Variants in DSCAM observed in about 807,000 individuals in gnomAD.
The protein encoded by DSCAM is DS cell adhesion molecule.
Under a neutral mutation model 217.7 loss-of-function variants are expected in DSCAM, and 47 were observed. That is an observed-to-expected ratio of 0.22 (90% CI 0.17 to 0.28). DSCAM has a LOEUF of 0.28. Ranked by LOEUF, DSCAM falls within the 10% of genes least tolerant of loss-of-function variation. The pLI, the probability that DSCAM is intolerant of heterozygous loss-of-function variation, is 1.00. For missense variants in DSCAM, 2,080 were observed against 2,618.3 expected (o/e 0.79, Z 4.49); for synonymous variants, 1,056 against 1,015.3 (o/e 1.04, Z -0.76).
chr21:40,092,250 A>G (rs937302931), intron 21 of DSCAM, among the ~76,000 whole-genome samples: 1 of 152,128 alleles, frequency 6.6e-6, no homozygotes. Context: ...GTTGTAAATC[A>G]TAAGGTGGAA....
rs1168356966 is a variant in DSCAM, at chr21:40,276,110, G to A, written c.2343C>T (p.Tyr781=). The change falls in exon 11 of 33, where the codon TAC becomes TAT. Residue 781 remains tyrosine (Y), a synonymous_variant. Transcript: ENST00000400454. ...CTTCTCTCTTACTTTTAACCGTGAGGTACATGGACTTGCTGACGTCTGCGC... is the reference window on the plus strand; with the variant it reads ...CTTCTCTCTTACTTTTAACCGTGAGATACATGGACTTGCTGACGTCTGCGC... ...DVGADVSKSM[Y]LTVKIPAMIT... is the part of the protein sequence containing the mutation. The A allele has an allele frequency of 6.3e-7, 1 of 1,596,116 alleles. No individual in the cohort carries two copies. Among genetic ancestry groups the A allele is most frequent in the Non-Finnish European group, 8.5e-7 (1 of 1,172,720 alleles).
intron 4 of DSCAM, among the ~76,000 whole-genome samples, chr21:40,364,514 A>C (rs1601588821): frequency 1.8e-5 from 2 of 108,820 alleles, no homozygotes; most frequent in Admixed American, 1.4e-4. Context: ...AACATCACAC[A>C]CCGGGGCCTG....
chr21:40,507,693 G>C (rs2076220811), intron 3 of DSCAM, among the ~76,000 whole-genome samples: 1 of 152,152 alleles, frequency 6.6e-6, no homozygotes, highest in Non-Finnish European at 1.5e-5. Context: ...GGGAGGCTGA[G>C]GCAGGAGGAT....
intron 3 of DSCAM, among the ~76,000 whole-genome samples, chr21:40,389,333 A>T (rs2075113842): frequency 6.6e-6 from 1 of 152,198 alleles, no homozygotes; most frequent in Non-Finnish European, 1.5e-5. Context: ...TATTTTATGA[A>T]GAGAAATAAC....
chr21:40,439,315 C>T (rs1569123951), intron 3 of DSCAM, among the ~76,000 whole-genome samples: 1 of 152,150 alleles, frequency 6.6e-6, no homozygotes, highest in Non-Finnish European at 1.5e-5. Flanking sequence ...TAAAAGATCC[C>T]TGTGCAAAAA....
chr21:40,220,225 G>C (rs890505953), intron 11 of DSCAM, among the ~76,000 whole-genome samples: 12 of 152,214 alleles, frequency 7.9e-5, no homozygotes, highest in African/African-American at 2.9e-4. Context: ...ACTTGAGGGA[G>C]AGTCATTGTC....
intron 20 of DSCAM, among the ~76,000 whole-genome samples, chr21:40,117,422 G>C (rs1379568332): frequency 6.6e-6 from 1 of 152,158 alleles, no homozygotes; most frequent in Non-Finnish European, 1.5e-5. Flanking sequence ...AGGACAAAGA[G>C]CTCAGCCCGC....
intron 1 of DSCAM, 107 bp downstream of exon 1, chr21:40,846,512 G>A (rs887363802): frequency 1.0e-5 from 4 of 397,776 alleles, no homozygotes; most frequent in South Asian, 1.1e-4. Context: ...CAGATGAAGC[G>A]GAAAAAGAAA....
intron 20 of DSCAM, among the ~76,000 whole-genome samples, chr21:40,103,110 G>T (rs867660604): frequency 1.6e-4 from 24 of 152,242 alleles, no homozygotes; most frequent in Middle Eastern, 3.4e-3. Flanking sequence ...AAATAATGAG[G>T]ATAAAATGAC....
At chr21:40,513,344 C>T (rs1301069999) in intron 3 of DSCAM, 2 of 152,220 alleles carry the variant, frequency 1.3e-5, no homozygotes, top group Non-Finnish European at 2.9e-5. Context: ...AATCTAAGAA[C>T]ACAACTATGC....
At chr21:40,427,821 C>T (rs184150996) in intron 3 of DSCAM, among the ~76,000 whole-genome samples, 2 of 152,200 alleles carry the variant, frequency 1.3e-5, no homozygotes, top group Non-Finnish European at 2.9e-5. Flanking sequence ...TTCCTGTGAG[C>T]TTTGATTGAA....
chr21:40,548,327 C>T (rs574644613), intron 3 of DSCAM, among the ~76,000 whole-genome samples: 17 of 152,186 alleles, frequency 1.1e-4, no homozygotes, highest in South Asian at 4.1e-4. Flanking sequence ...CCATCGACTC[C>T]TCCCAAGGGG....
intron 1 of DSCAM, among the ~76,000 whole-genome samples, chr21:40,756,848 A>G (rs2091280854): frequency 6.6e-6 from 1 of 152,156 alleles, no homozygotes; most frequent in Non-Finnish European, 1.5e-5. Context: ...AAGGTTGGTC[A>G]AAGGCCATAC....
intron 8 of DSCAM, among the ~76,000 whole-genome samples, chr21:40,335,658 AAAG>A: frequency 6.6e-6 from 1 of 152,366 alleles, no homozygotes; most frequent in East Asian, 1.9e-4. Context: ...GCCAATGCAT[AAAG>A]AAGTTCATTT....
At chr21:40,341,151 CA>C (rs1196140187) in intron 6 of DSCAM, among the ~76,000 whole-genome samples, 1 of 152,158 alleles carries the variant, frequency 6.6e-6, no homozygotes, top group African/African-American at 2.4e-5. Flanking sequence ...ATGAAAAAGA[CA>C]ACTTTAAAAT....
intron 20 of DSCAM, among the ~76,000 whole-genome samples, chr21:40,115,751 C>T (rs2089962642): frequency 1.3e-5 from 2 of 152,152 alleles, no homozygotes; most frequent in African/African-American, 2.4e-5. Flanking sequence ...GTGGCAACTC[C>T]TCAAAGACCT....
intron 5 of DSCAM, among the ~76,000 whole-genome samples, chr21:40,353,106 C>T (rs2074650857): frequency 6.6e-6 from 1 of 152,144 alleles, no homozygotes; most frequent in Admixed American, 6.5e-5. Flanking sequence ...AACAATCCTA[C>T]CCTCTCTCTC....
At chr21:40,295,990 T>G in intron 10 of DSCAM, 65 bp downstream of exon 10, 1 of 1,539,368 alleles carries the variant, frequency 6.5e-7, no homozygotes, top group Non-Finnish European at 8.7e-7. Flanking sequence ...CTAGAAATGC[T>G]TATCTAATCC....
intron 3 of DSCAM, among the ~76,000 whole-genome samples, chr21:40,531,230 G>C (rs1054378331): frequency 6.6e-6 from 1 of 152,122 alleles, no homozygotes; most frequent in African/African-American, 2.4e-5. Context: ...CTTTTGCCTG[G>C]AATCTGCCTC....
Sources: gnomAD v4.1 joint callset for allele counts (sites outside exome capture counted in the v4.1 genomes callset) on GRCh38, gnomAD v4.1.1 for gene constraint, MANE v1.5 for transcripts, NCBI Gene and HGNC (gene_info 2026-07-23, HGNC 2026-07-21) for gene names.